The following ITPRID2 variants were observed in gnomAD, a reference collection of about 807,000 sequenced individuals.
ITPRID2 encodes the protein protein ITPRID2.
A neutral mutation model predicts 124.3 loss-of-function variants in ITPRID2; 60 were observed. The observed-to-expected ratio is 0.48, with a 90% confidence interval of 0.39 to 0.60. The LOEUF (loss-of-function observed/expected upper bound fraction) is 0.60, where lower values mean the gene tolerates loss of function less well. Ranked by LOEUF, ITPRID2 falls within the 20% of genes least tolerant of loss-of-function variation. ITPRID2 has a pLI of 0.00. For synonymous variants in ITPRID2, 521 were observed against 542.9 expected, an observed-to-expected ratio of 0.96 and a Z score of 0.56; for missense variants, 1,553 against 1,512.2, an observed-to-expected ratio of 1.03 and a Z score of -0.45.
chr2:181,917,741 G>A (rs948950277), intron 11 of ITPRID2: 4 of 152,158 alleles, frequency 2.6e-5, no homozygotes, highest in African/African-American at 9.7e-5. Context: ...ACAGTTGTGT[G>A]TTCTTAGGTA....
At position 181,922,385 on chromosome 2, in the gene ITPRID2, A is replaced by C; in HGVS notation, c.3648A>C (p.Gln1216His). The change falls in exon 16 of 18, where the codon CAA (glutamine) becomes CAC (histidine). Residue 1216 changes from glutamine to histidine, a missense_variant. Gln to His is a conservative substitution (Grantham distance 24). Coordinates refer to ENST00000431877, the MANE Select transcript of ITPRID2 (RefSeq NM_001130445.3). ...AAEEMHKNVE[Q>H]DELQQVIREI... Reference sequence around the variant, plus strand: ...AGGAAATGCATAAAAATGTGGAGCAAGATGAGTTGCAGCAAGTCATACGGG... The same window carrying C: ...AGGAAATGCATAAAAATGTGGAGCACGATGAGTTGCAGCAAGTCATACGGG... 1 of 1,612,928 alleles carries C rather than the reference A, an allele frequency of 6.2e-7. No homozygotes were observed. The highest frequency in any genetic ancestry group is 8.5e-7 in the Non-Finnish European group (1 of 1,179,276).
chr2:181,908,736 G>A (rs1693356484), intron 8 of ITPRID2, among the ~76,000 whole-genome samples: 1 of 151,938 alleles, frequency 6.6e-6, no homozygotes, highest in Admixed American at 6.5e-5. Context: ...TTAACCTTTG[G>A]GCTTTTAAAA....
In ITPRID2 at chr2:181,916,440, G is replaced by A. The variant is rs763386138; in HGVS notation, c.2787+13G>A. 4 of 1,604,980 alleles carry A rather than the reference G, an allele frequency of 2.5e-6. No homozygotes were observed. Among genetic ancestry groups the A allele is most frequent in the African/African-American group, 1.3e-5 (1 of 74,744 alleles). On this transcript the variant is annotated intron_variant, in intron 11 of 17. Transcript: ENST00000431877. ...GAATCTTTCACAGGTATGAGAAAAA[G>A]TATGTTATCATTAGCTTTTTTCTTT... is the stretch of plus-strand genomic sequence containing the variant.
intron 8 of ITPRID2, among the ~76,000 whole-genome samples, chr2:181,906,902 A>C (rs1693178594): frequency 6.6e-6 from 1 of 152,240 alleles, no homozygotes; most frequent in African/African-American, 2.4e-5. Context: ...GGCATTGTAC[A>C]AGAACTAATC....
At chr2:181,926,585 T>C (rs944231977) in intron 16 of ITPRID2, among the ~76,000 whole-genome samples, 4 of 151,598 alleles carry the variant, frequency 2.6e-5, no homozygotes, top group South Asian at 4.2e-4. Context: ...TGGTGGCGGG[T>C]GCCTGTAGTC....
At position 181,892,358 on chromosome 2, in the gene ITPRID2, T is replaced by C. The variant is rs1691794066; in HGVS notation, c.211+81T>C. On this transcript the variant is annotated intron_variant, in intron 1 of 17. Transcript: ENST00000431877. The surrounding 1 kb of genome is among the most constrained non-coding windows in gnomAD (Gnocchi z 5.2). ...TGCGCCCTGGGCGCCTGCCACGAGTTCTGGGAGAGCCTCGGGCACGGTAGG... is the reference window on the plus strand; with the variant it reads ...TGCGCCCTGGGCGCCTGCCACGAGTCCTGGGAGAGCCTCGGGCACGGTAGG... 2 of 1,433,942 alleles carry C rather than the reference T, an allele frequency of 1.4e-6. No individual in the cohort carries two copies. The highest frequency in any genetic ancestry group is 2.8e-5 in the South Asian group (2 of 72,530). The allele number at this position is 1,433,942 out of a possible 1,614,324, so 88.8% of individuals were successfully genotyped here. A position where few individuals can be genotyped will look rare whatever the true frequency, so the allele number is the denominator to read the frequency against.
At position 181,919,168 on chromosome 2, in the gene ITPRID2, ATTG is replaced by A; in HGVS notation, c.2994-126_2994-124del. ...TGTGGATACACCTATTGTAGTTGATATTGTACTAATTTCTAGAACCTGAGATTT... is the reference window on the plus strand; with the variant it reads ...TGTGGATACACCTATTGTAGTTGATATACTAATTTCTAGAACCTGAGATTT... On this transcript the variant is annotated intron_variant, in intron 13 of 17. Coordinates refer to ENST00000431877, the MANE Select transcript of ITPRID2 (RefSeq NM_001130445.3). This position sits in a 1 kb window ranked among gnomAD's most constrained non-coding sequence, Gnocchi z 4.2. The A allele has an allele frequency of 9.5e-7, 1 of 1,057,050 alleles. No individual in the cohort carries two copies. The highest frequency in any genetic ancestry group is 1.4e-6 in the Non-Finnish European group (1 of 725,932). The allele number at this position is 1,057,050 out of a possible 1,614,324, so 65.5% of individuals were successfully genotyped here.
chr2:181,915,843 AGAAGGT>A lies in ITPRID2; in HGVS notation c.2204_2209del (p.Arg735_Ser737delinsThr). On this transcript the variant is annotated inframe_deletion, in exon 11 of 18. Coordinates refer to ENST00000431877, the MANE Select transcript of ITPRID2 (RefSeq NM_001130445.3). Reference sequence around the variant, plus strand: ...ATTTGCAAAAGCTGGCTATCCTCTAAGAAGGTCTCAGTCTTTACCAACCACCTTATT... The same window carrying A: ...ATTTGCAAAAGCTGGCTATCCTCTAACTCAGTCTTTACCAACCACCTTATT... The A allele has an allele frequency of 6.2e-7, 1 of 1,614,240 alleles. No individual in the cohort carries two copies. Among genetic ancestry groups the A allele is most frequent in the Non-Finnish European group, 8.5e-7 (1 of 1,180,042 alleles).
intron 16 of ITPRID2, 69 bp downstream of exon 16, chr2:181,922,481 A>C (rs990226579): frequency 3.0e-6 from 4 of 1,323,062 alleles, no homozygotes; most frequent in Non-Finnish European, 4.1e-6. Context: ...TCTGAATATT[A>C]ATTATTTACA....
rs1692684467 is a variant in ITPRID2, at chr2:181,901,756, CT to C, written c.713-6del. On this transcript the variant is annotated splice_polypyrimidine_tract_variant and intron_variant, in intron 7 of 17. Coordinates refer to ENST00000431877, the MANE Select transcript of ITPRID2 (RefSeq NM_001130445.3). ...TATAAACATATCATTAATATTGTTT[CT>C]TTTGGTAGGCCGTTTTCGTCAAATT... The C allele has an allele frequency of 6.4e-7, 1 of 1,567,374 alleles. No individual in the cohort carries two copies. The highest frequency in any genetic ancestry group is 8.6e-7 in the Non-Finnish European group (1 of 1,159,436).
At chr2:181,909,803 G>T in intron 8 of ITPRID2, 96 bp from the exon 9 acceptor site, 1 of 831,002 alleles carries the variant, frequency 1.2e-6, no homozygotes. Context: ...TGGTGCACTT[G>T]AGTTAGGTTG....
chr2:181,915,328 A>G lies in ITPRID2; in HGVS notation c.1688A>G (p.Tyr563Cys). The stretch of plus-strand genomic sequence containing the variant: ...ACACCAACAGCACAAGACCAGCCTT[A>G]TTTTAATGAATCAGAGGAGGAGTCT... ...LATPTAQDQP[Y>C]FNESEEESLV... The change falls in exon 11 of 18, where the codon TAT becomes TGT. Residue 563 changes from tyrosine to cysteine, a missense_variant. Physicochemically the swap from Tyr to Cys is radical, Grantham distance 194. Transcript: ENST00000431877. 1 of 1,614,188 alleles carries G rather than the reference A, an allele frequency of 6.2e-7. No individual in the cohort carries two copies. Among genetic ancestry groups the G allele is most frequent in the Non-Finnish European group, 8.5e-7 (1 of 1,180,048 alleles).
At position 181,902,427 on chromosome 2, in the gene ITPRID2, T is replaced by C. The variant is rs1395064576; in HGVS notation, c.1374T>C (p.Asn458=). ...CACTGACAATACCATCCATAAGAAATATAATGACACAGCAGAAGGACTCCT... is the reference window on the plus strand; with the variant it reads ...CACTGACAATACCATCCATAAGAAACATAATGACACAGCAGAAGGACTCCT... ...CAPLTIPSIR[N]IMTQQKDSFE... Residue 458 remains asparagine, a synonymous_variant, in exon 8 of 18, where the codon AAT becomes AAC. Coordinates refer to ENST00000431877, the MANE Select transcript of ITPRID2 (RefSeq NM_001130445.3). This position sits in a 1 kb window ranked among gnomAD's most constrained non-coding sequence, Gnocchi z 4.4. 6.2e-7 allele frequency: 1 copy of C among 1,602,532 alleles called. No homozygotes were observed.
At chr2:181,911,079 G>A (rs973153272) in intron 9 of ITPRID2, among the ~76,000 whole-genome samples, 3 of 152,158 alleles carry the variant, frequency 2.0e-5, no homozygotes, top group Admixed American at 2.0e-4. Flanking sequence ...TAGTAGGAAT[G>A]ATTAGATGTG....
At chr2:181,923,989 T>A (rs1694675400) in intron 16 of ITPRID2, among the ~76,000 whole-genome samples, 2 of 152,204 alleles carry the variant, frequency 1.3e-5, no homozygotes. Context: ...TCATTAAATA[T>A]GAAAGATTTT....
chr2:181,900,799 A>AT lies in ITPRID2; in HGVS notation c.607_608insT (p.Arg203MetfsTer4). On this transcript the variant is annotated frameshift_variant, in exon 7 of 18. Coordinates refer to ENST00000431877, the MANE Select transcript of ITPRID2 (RefSeq NM_001130445.3). LOFTEE classifies it high-confidence loss of function. ...AGATATTGCTTCTAAAATTCCTTCC[A>AT]GATTTTTTAATTCATCATCCTTTGC... 6.2e-7 allele frequency: 1 copy of AT among 1,613,350 alleles called. No individual in the cohort carries two copies. The highest frequency in any genetic ancestry group is 8.5e-7 in the Non-Finnish European group (1 of 1,179,634).
chr2:181,916,456 T>G, intron 11 of ITPRID2, 29 bp downstream of exon 11: 1 of 1,590,332 alleles, frequency 6.3e-7, no homozygotes, highest in Non-Finnish European at 8.6e-7. Context: ...TATCATTAGC[T>G]TTTTTCTTTT....
chr2:181,903,420 T>G (rs1255107739), intron 8 of ITPRID2, among the ~76,000 whole-genome samples: 3 of 152,236 alleles, frequency 2.0e-5, no homozygotes, highest in Non-Finnish European at 4.4e-5. Flanking sequence ...CACAGTAGTT[T>G]TAACATCACA....
At chr2:181,893,729 A>G (rs143080335) in intron 2 of ITPRID2, 2 of 152,360 alleles carry the variant, frequency 1.3e-5, no homozygotes, top group East Asian at 3.9e-4. Context: ...CTTGGACCCC[A>G]GATTTACAAT....
Sources: allele counts gnomAD v4.1 joint callset (sites outside exome capture counted in the v4.1 genomes callset), GRCh38; gene constraint gnomAD v4.1.1; non-coding constraint Gnocchi (gnomAD v3.1); transcripts MANE v1.5; gene names NCBI Gene and HGNC (gene_info 2026-07-23, HGNC 2026-07-21).